The following ABCA13 variants were observed in gnomAD, a reference collection of about 807,000 sequenced individuals.
The protein encoded by ABCA13 is ATP-binding cassette sub-family A member 13.
In ABCA13, 476 loss-of-function variants were observed where a neutral mutation model predicts 478.7. The ratio of observed to expected loss-of-function variants is 0.99; its 90% CI spans 0.92 to 1.07. The LOEUF is 1.07. Ranked by LOEUF, ABCA13 falls within the 50% of genes least tolerant of loss-of-function variation. ABCA13 has a pLI of 0.00. For missense variants in ABCA13, 6,060 were observed against 5,910.6 expected, an observed-to-expected ratio of 1.03 and a Z score of -0.83; for synonymous variants, 2,252 against 2,158.9, an observed-to-expected ratio of 1.04 and a Z score of -1.20.
At chr7:48,563,832 G>GTGTGTGTGTGTGTGTT (rs1419295940) in intron 55 of ABCA13, among the ~76,000 whole-genome samples, 2 of 76,788 alleles carry the variant, frequency 2.6e-5, no homozygotes, top group African/African-American at 1.4e-4. Flanking sequence ...GTGTGTGTGT[G>GTGTGTGTGTGTGTGTT]TGTGTGTTTT....
At chr7:48,310,838 C>T (rs991818836) in intron 24 of ABCA13, among the ~76,000 whole-genome samples, 2 of 152,168 alleles carry the variant, frequency 1.3e-5, no homozygotes, top group African/African-American at 4.8e-5. Context: ...GGGCCCAGAA[C>T]CCATGTAGGG....
At chr7:48,377,627 G>T (rs1271529847) in intron 35 of ABCA13, among the ~76,000 whole-genome samples, 1 of 152,234 alleles carries the variant, frequency 6.6e-6, no homozygotes, top group East Asian at 1.9e-4. Context: ...GGAATATATG[G>T]CCCTCAAGAG....
intron 27 of ABCA13, among the ~76,000 whole-genome samples, chr7:48,325,449 CT>C (rs960587962): frequency 3.3e-5 from 5 of 151,884 alleles, no homozygotes; most frequent in South Asian, 2.1e-4. Flanking sequence ...TCCCAAGAGG[CT>C]TTTTTTTCTT....
intron 42 of ABCA13, among the ~76,000 whole-genome samples, chr7:48,429,763 A>G (rs1442665994): frequency 6.6e-6 from 1 of 152,182 alleles, no homozygotes; most frequent in East Asian, 1.9e-4. Context: ...AGTGTTTTTA[A>G]TCATGAAAGG....
chr7:48,185,638 G>A (rs988057974), intron 1 of ABCA13, among the ~76,000 whole-genome samples: 2 of 151,958 alleles, frequency 1.3e-5, no homozygotes, highest in Admixed American at 6.6e-5. Flanking sequence ...TTTTCTTTAT[G>A]AAATAATTGC....
intron 56 of ABCA13, among the ~76,000 whole-genome samples, chr7:48,581,810 G>T (rs192480892): frequency 2.0e-5 from 3 of 152,090 alleles, no homozygotes; most frequent in Admixed American, 1.3e-4. Flanking sequence ...ACTTGCTCTT[G>T]TTTCTAAGAT....
At position 48,288,042 on chromosome 7, in the gene ABCA13, T is replaced by C; in HGVS notation, c.8919T>C (p.Ala2973=). 6.2e-7 allele frequency: 1 copy of C among 1,614,036 alleles called. No homozygotes were observed. The highest frequency in any genetic ancestry group is 8.5e-7 in the Non-Finnish European group (1 of 1,179,878). ...GGATAAGGCATCTCATTTTATCTGC[T>C]ATACAAGGGGTCACTTTGGCGCAGG... The part of the protein sequence containing the change: ...QNGIRHLILS[A]IQGVTLAQDH... The change falls in exon 20 of 62, where the codon GCT becomes GCC. Residue 2973 remains alanine, a synonymous_variant. Coordinates refer to ENST00000435803, the MANE Select transcript of ABCA13 (RefSeq NM_152701.5).
chr7:48,234,922 G>T (rs1789718982), intron 8 of ABCA13, among the ~76,000 whole-genome samples: 1 of 152,180 alleles, frequency 6.6e-6, no homozygotes, highest in Admixed American at 6.5e-5. Context: ...GTCCATGCTG[G>T]TTATGTAGAT....
At chr7:48,368,838 G>T (rs1191727792) in intron 32 of ABCA13, among the ~76,000 whole-genome samples, 1 of 151,046 alleles carries the variant, frequency 6.6e-6, no homozygotes, top group Non-Finnish European at 1.5e-5. Flanking sequence ...GGGCATCTGG[G>T]TTGGTTCCAT....
rs754466982 is a variant in ABCA13, at chr7:48,248,373, G to T, written c.1794G>T (p.Leu598=). The part of the protein sequence containing the change: ...ASLSCTRLFL[L]LGADPSPEND... ...TTTCCTGTACTCGGCTCTTCCTGCT[G>T]CTGGGAGCTGATCCCTCTCCTGAGA... The change falls in exon 14 of 62, where the codon CTG becomes CTT. Residue 598 remains leucine, a synonymous_variant. Transcript: ENST00000435803. 11 of 1,613,764 alleles carry T rather than the reference G, an allele frequency of 6.8e-6. No individual in the cohort carries two copies. Among genetic ancestry groups the T allele is most frequent in the East Asian group, 2.2e-5 (1 of 44,874 alleles).
intron 3 of ABCA13, among the ~76,000 whole-genome samples, chr7:48,212,245 A>C (rs572082429): frequency 2.0e-5 from 3 of 152,248 alleles, no homozygotes; most frequent in South Asian, 4.2e-4. Flanking sequence ...TTCAGTACAA[A>C]GATTCACACT....
intron 55 of ABCA13, among the ~76,000 whole-genome samples, chr7:48,533,603 C>T (rs936044856): frequency 3.3e-5 from 5 of 151,984 alleles, no homozygotes; most frequent in African/African-American, 1.2e-4. Context: ...TAAAGTCCTC[C>T]ACTATCATTG....
chr7:48,442,812 T>C (rs1823804867), intron 42 of ABCA13, among the ~76,000 whole-genome samples: 1 of 152,182 alleles, frequency 6.6e-6, no homozygotes, highest in South Asian at 2.1e-4. Context: ...GGAGATACAC[T>C]GCCTTGGTGT....
chr7:48,242,175 C>T (rs1790933764), intron 10 of ABCA13, among the ~76,000 whole-genome samples: 1 of 152,052 alleles, frequency 6.6e-6, no homozygotes, highest in Admixed American at 6.6e-5. Context: ...AATTATCCTA[C>T]AAATCTCGAA....
At chr7:48,299,636 T>C (rs1162146576) in intron 23 of ABCA13, among the ~76,000 whole-genome samples, 1 of 151,820 alleles carries the variant, frequency 6.6e-6, no homozygotes, top group African/African-American at 2.4e-5. Context: ...TCGGAGCAGC[T>C]ACCTGGGAAT....
chr7:48,192,441 G>A (rs1194001917), intron 1 of ABCA13, among the ~76,000 whole-genome samples: 2 of 152,124 alleles, frequency 1.3e-5, no homozygotes, highest in South Asian at 2.1e-4. Context: ...AGAAGAATGT[G>A]TGAATTATGG....
chr7:48,613,709 C>G (rs1434780008), intron 58 of ABCA13, among the ~76,000 whole-genome samples: 11 of 150,804 alleles, frequency 7.3e-5, no homozygotes, highest in East Asian at 3.9e-4. Context: ...AGCAAGTCTT[C>G]TTTCATGATT....
intron 58 of ABCA13, among the ~76,000 whole-genome samples, chr7:48,603,109 T>G (rs1791084917): frequency 6.6e-6 from 1 of 152,174 alleles, no homozygotes; most frequent in Non-Finnish European, 1.5e-5. Context: ...GAGTTGCCTC[T>G]CAGCTTTAGG....
intron 45 of ABCA13, among the ~76,000 whole-genome samples, chr7:48,472,437 A>G (rs550272522): frequency 6.6e-6 from 1 of 152,310 alleles, no homozygotes; most frequent in South Asian, 2.1e-4. Context: ...TGTGGGACAC[A>G]CTTCCAAGTT....
Sources: allele counts gnomAD v4.1 joint callset (sites outside exome capture counted in the v4.1 genomes callset), GRCh38; gene constraint gnomAD v4.1.1; transcripts MANE v1.5; gene names NCBI Gene and HGNC (gene_info 2026-07-23, HGNC 2026-07-21).